Variants in TTC32 observed in about 807,000 individuals in gnomAD.
TTC32 encodes tetratricopeptide repeat protein 32.
A neutral mutation model predicts 15.3 loss-of-function variants in TTC32; 16 were observed. The observed-to-expected ratio is 1.05, with a 90% CI of 0.71 to 1.59. The LOEUF (loss-of-function observed/expected upper bound fraction) is 1.59. Among genes scored for constraint, TTC32 ranks in the 40% most tolerant of loss-of-function variants. TTC32 has a pLI of 0.00. For synonymous variants in TTC32, 89 were observed against 67.8 expected, an observed-to-expected ratio of 1.31 and a Z score of -1.53; for missense variants, 188 against 181.9, an observed-to-expected ratio of 1.03 and a Z score of -0.19.
intron 2 of TTC32, 40 bp from the exon 3 acceptor site, chr2:19,897,166 C>G: frequency 6.4e-7 from 1 of 1,563,830 alleles, no homozygotes; most frequent in Non-Finnish European, 8.6e-7. Context: ...GAAAAGAAAC[C>G]GAGTATTTCT....
chr2:19,901,432 C>T, intron 1 of TTC32: 2 of 412,592 alleles, frequency 4.8e-6, no homozygotes, highest in Non-Finnish European at 4.3e-6. Flanking sequence ...GGCCCGCGCC[C>T]GAGGATCGCG....
intron 1 of TTC32, among the ~76,000 whole-genome samples, chr2:19,898,935 T>G (rs182732239): frequency 6.6e-6 from 1 of 152,344 alleles, no homozygotes; most frequent in East Asian, 1.9e-4. Context: ...AAAGCAATTC[T>G]CAAATTAGAA....
chr2:19,898,125 A>C (rs202092938), intron 1 of TTC32, 90 bp from the exon 2 acceptor site: 15 of 1,147,034 alleles, frequency 1.3e-5, no homozygotes, highest in African/African-American at 1.5e-5. Flanking sequence ...GTCAAACTTC[A>C]CAGCCTATAA....
Position 19,901,296 on chromosome 2 carries a change from C to T in TTC32, c.149+410G>A, listed in dbSNP as rs570865255. ...GTACTGTGGCCCTACGCAGCCGTGA[C>T]CCCTTCCCTTCCCAGGTCGCGGATT... On this transcript the variant is annotated intron_variant, in intron 1 of 2. Coordinates refer to ENST00000333610, the MANE Select transcript of TTC32 (RefSeq NM_001008237.3). The T allele has an allele frequency of 5.6e-3, 1,675 of 299,854 alleles. 6 individuals carry two copies. Among genetic ancestry groups the T allele is most frequent in the Non-Finnish European group, 8.1e-3 (1,229 of 151,158 alleles). 18.6% of individuals were successfully genotyped at this position (299,854 alleles called of 1,614,324 possible). A position where few individuals can be genotyped will look rare whatever the true frequency, so the allele number is the denominator to read the frequency against.
intron 1 of TTC32, among the ~76,000 whole-genome samples, chr2:19,898,997 T>C (rs1315754895): frequency 6.6e-6 from 1 of 152,212 alleles, no homozygotes; most frequent in Non-Finnish European, 1.5e-5. Context: ...TAGTAAAAAG[T>C]ATAGTCCTCC....
rs75634569 is a variant in TTC32, at chr2:19,898,915, C to T, written c.150-880G>A. ...GTCAGGGATGATTCTGTTTCCCTTT[C>T]TTTTTTCCCAAAGCAATTCTCAAAT... On this transcript the variant is annotated intron_variant, in intron 1 of 2. Coordinates refer to ENST00000333610, the MANE Select transcript of TTC32 (RefSeq NM_001008237.3). Among the ~76,000 whole-genome samples the T allele has an allele frequency of 8.5e-5, 13 of 152,334 alleles. No individual in the cohort carries two copies. The East Asian group carries it at 2.5e-3, about 29-fold the overall frequency.
At chr2:19,898,715 C>G (rs1273621554) in intron 1 of TTC32, among the ~76,000 whole-genome samples, 1 of 152,152 alleles carries the variant, frequency 6.6e-6, no homozygotes, top group African/African-American at 2.4e-5. Flanking sequence ...GGCTCTGCAC[C>G]TGAGGGAACT....
At chr2:19,899,720 A>G (rs1669571158) in intron 1 of TTC32, among the ~76,000 whole-genome samples, 1 of 150,798 alleles carries the variant, frequency 6.6e-6, no homozygotes, top group African/African-American at 2.4e-5. Flanking sequence ...TTTTTTATAT[A>G]TAAAGTGTGT....
At chr2:19,899,546 C>G (rs1669567856) in intron 1 of TTC32, among the ~76,000 whole-genome samples, 1 of 151,722 alleles carries the variant, frequency 6.6e-6, no homozygotes. Flanking sequence ...AATGGACTAA[C>G]AGTTGAAGCC....
intron 1 of TTC32, among the ~76,000 whole-genome samples, chr2:19,899,728 T>C (rs1241333560): frequency 6.6e-6 from 1 of 150,930 alleles, no homozygotes; most frequent in Non-Finnish European, 1.5e-5. Context: ...ATATAAAGTG[T>C]GTGTATATAT....
At chr2:19,899,154 G>A (rs1319981416) in intron 1 of TTC32, among the ~76,000 whole-genome samples, 1 of 152,188 alleles carries the variant, frequency 6.6e-6, no homozygotes, top group Non-Finnish European at 1.5e-5. Context: ...GTTTGCTAAC[G>A]ATGGAGAGGA....
At chr2:19,901,252 C>A in intron 1 of TTC32, 1 of 327,260 alleles carries the variant, frequency 3.1e-6, no homozygotes, top group South Asian at 2.2e-5. Flanking sequence ...TGCGCCGTGA[C>A]ACTGAGATGG....
intron 1 of TTC32, among the ~76,000 whole-genome samples, chr2:19,898,924 C>A (rs1005448214): frequency 6.6e-6 from 1 of 152,182 alleles, no homozygotes; most frequent in African/African-American, 2.4e-5. Flanking sequence ...TCTTTTTTCC[C>A]AAAGCAATTC....
intron 1 of TTC32, among the ~76,000 whole-genome samples, chr2:19,900,353 A>ATTATTATTCTTGTGTG (rs1337010470): frequency 6.6e-6 from 1 of 152,126 alleles, no homozygotes; most frequent in Non-Finnish European, 1.5e-5. Context: ...AGAAACTTCT[A>ATTATTATTCTTGTGTG]TTATTATTCT....
chr2:19,901,611 C>G (rs990503139), intron 1 of TTC32, 95 bp downstream of exon 1: 2 of 1,491,156 alleles, frequency 1.3e-6, no homozygotes, highest in African/African-American at 2.8e-5. Flanking sequence ...TGACAAGCGC[C>G]GACCGTGAGC....
Position 19,901,860 on chromosome 2 carries a change from C to T in TTC32, c.-6G>A. On this transcript the variant is annotated 5_prime_UTR_variant, in exon 1 of 3. Coordinates refer to ENST00000333610, the MANE Select transcript of TTC32 (RefSeq NM_001008237.3). ...TCTTGCCGCTGTCCTTCCATAGCAG[C>T]CAAGGCCTAGTTTTCGGTGTAGAAT... 6.2e-7 allele frequency: 1 copy of T among 1,613,962 alleles called. No individual in the cohort carries two copies. Among genetic ancestry groups the T allele is most frequent in the Non-Finnish European group, 8.5e-7 (1 of 1,179,928 alleles).
At chr2:19,898,985 C>G (rs1285982812) in intron 1 of TTC32, among the ~76,000 whole-genome samples, 2 of 152,196 alleles carry the variant, frequency 1.3e-5, no homozygotes, top group Non-Finnish European at 2.9e-5. Context: ...TGTAATACCC[C>G]GTAGTAAAAA....
In TTC32 at chr2:19,896,962, C is replaced by A; in HGVS notation, c.*25G>T. 2 of 1,542,312 alleles carry A rather than the reference C, an allele frequency of 1.3e-6. No homozygotes were observed. The highest frequency in any genetic ancestry group is 2.4e-5 in the South Asian group (2 of 82,962). ...AGATGCAGATGTAAGGATCATGAATCAATACTTCCATTAAGTTAAAAATAT... is the reference window on the plus strand; with the variant it reads ...AGATGCAGATGTAAGGATCATGAATAAATACTTCCATTAAGTTAAAAATAT... On this transcript the variant is annotated 3_prime_UTR_variant, in exon 3 of 3. Coordinates refer to ENST00000333610, the MANE Select transcript of TTC32 (RefSeq NM_001008237.3).
chr2:19,901,023 A>C (rs766362106), intron 1 of TTC32: 1 of 465,544 alleles, frequency 2.1e-6, no homozygotes, highest in Non-Finnish European at 4.4e-6. Flanking sequence ...ACCAAAGAAC[A>C]AAACACCTTA....
Sources: allele counts gnomAD v4.1 joint callset (sites outside exome capture counted in the v4.1 genomes callset), GRCh38; gene constraint gnomAD v4.1.1; transcripts MANE v1.5; gene names NCBI Gene and HGNC (gene_info 2026-07-23, HGNC 2026-07-21).